PROSER2: variants seen among roughly 807,000 people sequenced by gnomAD.
PROSER2 encodes the protein proline and serine-rich protein 2.
A neutral mutation model predicts 14.6 loss-of-function variants in PROSER2; 18 were observed. That is an observed-to-expected ratio of 1.23 (90% CI 0.85 to 1.83). The LOEUF is 1.83. Ranked by LOEUF, PROSER2 falls within the 40% of genes most tolerant of loss-of-function variation. The pLI, the probability that PROSER2 is intolerant of heterozygous loss-of-function variation, is 0.00. For missense variants in PROSER2, 823 were observed against 629.8 expected (o/e 1.31, Z -3.28); for synonymous variants, 367 against 286.4 (o/e 1.28, Z -2.84).
intron 1 of PROSER2, among the ~76,000 whole-genome samples, chr10:11,848,854 A>G (rs1386717638): frequency 6.6e-6 from 1 of 152,140 alleles, no homozygotes; most frequent in East Asian, 1.9e-4. Flanking sequence ...TCTGTTAGGA[A>G]TGCCCATGGG....
At chr10:11,858,286 A>G (rs1215765432) in intron 2 of PROSER2, among the ~76,000 whole-genome samples, 2 of 152,174 alleles carry the variant, frequency 1.3e-5, no homozygotes, top group Non-Finnish European at 1.5e-5. Context: ...AAGCCTTCTC[A>G]GCATTTTTGT....
chr10:11,842,091 G>A (rs369110580), intron 1 of PROSER2, among the ~76,000 whole-genome samples: 28 of 151,998 alleles, frequency 1.8e-4, no homozygotes, highest in Admixed American at 5.2e-4. Context: ...GTATGGTGAC[G>A]TGAGCCTGTG....
Position 11,866,207 on chromosome 10 carries a change from G to GTGT in PROSER2, c.139-323_139-321dup. ...GTTTCCCGTGATTATGGAAAAACAA[G>GTGT]TGTGTTGGATAGCCGTAGGCTGACT... is the stretch of plus-strand genomic sequence containing the variant. On this transcript the variant is annotated intron_variant, in intron 2 of 3. Coordinates refer to ENST00000277570, the MANE Select transcript of PROSER2 (RefSeq NM_153256.4). This position sits in a 1 kb window ranked among gnomAD's most constrained non-coding sequence, Gnocchi z 6.0. Among the ~76,000 whole-genome samples the GTGT allele has an allele frequency of 6.6e-6, 1 of 152,340 alleles. No individual in the cohort carries two copies.
intron 2 of PROSER2, among the ~76,000 whole-genome samples, chr10:11,859,669 C>T (rs1408765909): frequency 6.6e-6 from 1 of 152,210 alleles, no homozygotes; most frequent in East Asian, 1.9e-4. Flanking sequence ...CTCCAGCTCT[C>T]TCCCGCCTCC....
intron 3 of PROSER2, among the ~76,000 whole-genome samples, chr10:11,868,410 G>A (rs1834396332): frequency 6.6e-6 from 1 of 152,028 alleles, no homozygotes; most frequent in South Asian, 2.1e-4. Context: ...CAAGTAGCTG[G>A]CACTACAAGC....
rs1447593864 is a variant in PROSER2, at chr10:11,870,641, G to C, written c.*235G>C. ...CCTAAAGGAATCTGGCCGAGGGCTTGTCTCCCTTTTCCCAAGAACTGAGAG... is the reference window on the plus strand; with the variant it reads ...CCTAAAGGAATCTGGCCGAGGGCTTCTCTCCCTTTTCCCAAGAACTGAGAG... On this transcript the variant is annotated 3_prime_UTR_variant, in exon 4 of 4. Coordinates refer to ENST00000277570, the MANE Select transcript of PROSER2 (RefSeq NM_153256.4). 1 of 451,692 alleles carries C rather than the reference G, an allele frequency of 2.2e-6. No individual in the cohort carries two copies. The allele number at this position is 451,692 out of a possible 1,614,324, so 28.0% of individuals were successfully genotyped here.
In PROSER2 at chr10:11,870,423, A is replaced by C; in HGVS notation, c.*17A>C. ...AGTTCGTGAGGGCCGCGCGGGCTCC[A>C]GTCCACCCCGTTTCTCCCCACCCTG... On this transcript the variant is annotated 3_prime_UTR_variant, in exon 4 of 4. Coordinates refer to ENST00000277570, the MANE Select transcript of PROSER2 (RefSeq NM_153256.4). 1.4e-6 allele frequency: 2 copies of C among 1,461,968 alleles called. No individual in the cohort carries two copies. Among genetic ancestry groups the C allele is most frequent in the Non-Finnish European group, 1.8e-6 (2 of 1,110,588 alleles). The allele number at this position is 1,461,968 out of a possible 1,614,324, so 90.6% of individuals were successfully genotyped here.
intron 1 of PROSER2, among the ~76,000 whole-genome samples, chr10:11,842,365 C>T (rs72768225): frequency 0.11 from 15,815 of 150,566 alleles, 1,082 homozygotes; most frequent in Non-Finnish European, 0.15. Context: ...TCCTTGCCTT[C>T]TTTTGGAATG....
intron 1 of PROSER2, among the ~76,000 whole-genome samples, chr10:11,824,068 C>T (rs949665480): frequency 2.6e-5 from 4 of 152,206 alleles, no homozygotes; most frequent in African/African-American, 9.6e-5. Flanking sequence ...AGTATTTCTC[C>T]AAGGCTTTGA....
chr10:11,854,903 C>G (rs541408736), intron 2 of PROSER2, among the ~76,000 whole-genome samples: 13 of 145,398 alleles, frequency 8.9e-5, no homozygotes, highest in African/African-American at 3.3e-4. Context: ...CTCATCAGGT[C>G]TTTTTTTTTT....
At chr10:11,859,084 TA>T (rs1564311468) in intron 2 of PROSER2, among the ~76,000 whole-genome samples, 2 of 150,206 alleles carry the variant, frequency 1.3e-5, no homozygotes, top group Non-Finnish European at 3.0e-5. Context: ...TGTGTATCCT[TA>T]AAGAACTGCC....
chr10:11,831,464 A>G (rs1272651585), intron 1 of PROSER2, among the ~76,000 whole-genome samples: 1 of 152,242 alleles, frequency 6.6e-6, no homozygotes, highest in African/African-American at 2.4e-5. Flanking sequence ...TGTAATAGAC[A>G]TACCAGCTGT....
chr10:11,855,726 C>T (rs58421693), intron 2 of PROSER2, among the ~76,000 whole-genome samples: 3,821 of 152,194 alleles, frequency 0.025, 149 homozygotes, highest in African/African-American at 0.088. Context: ...GAGTTAAAGG[C>T]CAGCCTGGGC....
Position 11,870,428 on chromosome 10 carries a change from ACC to A in PROSER2, c.*25_*26del. ...GTGAGGGCCGCGCGGGCTCCAGTCC[ACC>A]CCGTTTCTCCCCACCCTGAAGAGAG... On this transcript the variant is annotated 3_prime_UTR_variant, in exon 4 of 4. Transcript: ENST00000277570. 6.9e-7 allele frequency: 1 copy of A among 1,450,948 alleles called. No individual in the cohort carries two copies. Among genetic ancestry groups the A allele is most frequent in the South Asian group, 1.4e-5 (1 of 70,326 alleles). 89.9% of individuals were successfully genotyped at this position (1,450,948 alleles called of 1,614,324 possible). A position where few individuals can be genotyped will look rare whatever the true frequency, so the allele number is the denominator to read the frequency against.
chr10:11,835,902 G>A (rs988000463), intron 1 of PROSER2, among the ~76,000 whole-genome samples: 2 of 152,118 alleles, frequency 1.3e-5, no homozygotes, highest in South Asian at 2.1e-4. Flanking sequence ...GGTAGTGAGC[G>A]GGGTGATTCA....
chr10:11,833,627 G>T (rs549224144), intron 1 of PROSER2, among the ~76,000 whole-genome samples: 1 of 152,126 alleles, frequency 6.6e-6, no homozygotes, highest in Admixed American at 6.5e-5. Flanking sequence ...GGAGGCAGAG[G>T]TTGCAGTGAG....
At position 11,869,921 on chromosome 10, in the gene PROSER2, G is replaced by T. The variant is rs1403148452; in HGVS notation, c.823G>T (p.Ala275Ser). 1 of 1,565,120 alleles carries T rather than the reference G, an allele frequency of 6.4e-7. No individual in the cohort carries two copies. The highest frequency in any genetic ancestry group is 1.4e-5 in the African/African-American group (1 of 73,048). The change falls in exon 4 of 4, where the codon GCC (alanine) becomes TCC (serine). Residue 275 changes from alanine to serine, a missense_variant. By Grantham distance (99) the Ala-to-Ser change is moderately conservative. Coordinates refer to ENST00000277570, the MANE Select transcript of PROSER2 (RefSeq NM_153256.4). The surrounding 1 kb of genome is among the most constrained non-coding windows in gnomAD (Gnocchi z 4.4). The part of the protein sequence containing the change: ...REPRRTLSRA[A>S]VSVQERRAQV... ...GCCCCGCAGGACCCTGTCCAGGGCGGCCGTCAGCGTGCAGGAGCGCAGGGC... is the reference window on the plus strand; with the variant it reads ...GCCCCGCAGGACCCTGTCCAGGGCGTCCGTCAGCGTGCAGGAGCGCAGGGC...
chr10:11,826,713 G>A (rs557168777), intron 1 of PROSER2, among the ~76,000 whole-genome samples: 86 of 152,152 alleles, frequency 5.7e-4, no homozygotes, highest in Non-Finnish European at 1.0e-3. Flanking sequence ...GAGTAGCTGG[G>A]ACCACAGATG....
chr10:11,825,775 G>T (rs1262996167), intron 1 of PROSER2, among the ~76,000 whole-genome samples: 1 of 152,202 alleles, frequency 6.6e-6, no homozygotes, highest in Non-Finnish European at 1.5e-5. Flanking sequence ...CTGCCTTGTC[G>T]GACAGGGATG....
Sources: allele counts gnomAD v4.1 joint callset (sites outside exome capture counted in the v4.1 genomes callset), GRCh38; gene constraint gnomAD v4.1.1; non-coding constraint Gnocchi (gnomAD v3.1); transcripts MANE v1.5; gene names NCBI Gene and HGNC (gene_info 2026-07-23, HGNC 2026-07-21).